ATXN1: variants seen among roughly 807,000 people sequenced by gnomAD.
The protein encoded by ATXN1 is ataxin 1.
Under a neutral mutation model 56.4 loss-of-function variants are expected in ATXN1, and 8 were observed. That is an observed-to-expected ratio of 0.14 (90% CI 0.08 to 0.26). The LOEUF (loss-of-function observed/expected upper bound fraction) is 0.26, where lower values mean the gene tolerates loss of function less well. ATXN1 is among the 10% of genes least tolerant of loss of function. ATXN1 has a pLI of 1.00. For synonymous variants in ATXN1, 514 were observed against 494.6 expected, an observed-to-expected ratio of 1.04 and a Z score of -0.52; for missense variants, 987 against 1,106.5, an observed-to-expected ratio of 0.89 and a Z score of 1.53.
At chr6:16,599,113 C>G (rs2113778426) in intron 3 of ATXN1, among the ~76,000 whole-genome samples, 1 of 152,342 alleles carries the variant, frequency 6.6e-6, no homozygotes, top group South Asian at 2.1e-4. Context: ...AAAAACTGAT[C>G]TGACACCCAA....
In ATXN1 at chr6:16,309,927, G is replaced by A. The variant is rs369686415; in HGVS notation, c.1918-3068C>T. 3.7e-4 allele frequency among the ~76,000 whole-genome samples: 56 copies of A among 152,076 alleles called. 1 individual carries two copies. Among genetic ancestry groups the A allele is most frequent in the East Asian group, 1.2e-3 (6 of 5,174 alleles). ...CAGGAACCTGTAATCCCAGCTACTC[G>A]GGGGGCTGAGGCAGGAGAATCACTT... On this transcript the variant is annotated intron_variant, in intron 7 of 7. Coordinates refer to ENST00000436367, the MANE Select transcript of ATXN1 (RefSeq NM_001128164.2).
intron 4 of ATXN1, among the ~76,000 whole-genome samples, chr6:16,557,326 CAAAA>C (rs10551173): frequency 1.7e-4 from 15 of 87,754 alleles, no homozygotes; most frequent in African/African-American, 3.6e-4. Flanking sequence ...AACCCCATTT[CAAAA>C]AAAAAAAAAA....
chr6:16,566,156 A>C (rs1762212692), intron 4 of ATXN1, among the ~76,000 whole-genome samples: 2 of 152,250 alleles, frequency 1.3e-5, no homozygotes, highest in Admixed American at 1.3e-4. Flanking sequence ...TGAAAAAAAT[A>C]GCCTAGAAAT....
chr6:16,402,156 G>A (rs536687792), intron 6 of ATXN1, among the ~76,000 whole-genome samples: 1 of 149,926 alleles, frequency 6.7e-6, no homozygotes, highest in Admixed American at 6.7e-5. Context: ...AGGTCAAGAT[G>A]AAATCTGGGC....
Position 16,464,597 on chromosome 6 carries a change from C to T in ATXN1, c.-161+21375G>A, listed in dbSNP as rs188199110. On this transcript the variant is annotated intron_variant, in intron 6 of 7. Transcript: ENST00000436367. Reference sequence around the variant, plus strand: ...TTCTTGAAGTCAGCGAGACCATAAACCCACCGGTAGGAACCAACTCCAGAC... The same window carrying T: ...TTCTTGAAGTCAGCGAGACCATAAATCCACCGGTAGGAACCAACTCCAGAC... 2.7e-4 allele frequency among the ~76,000 whole-genome samples: 41 copies of T among 152,234 alleles called. 1 individual carries two copies. The East Asian group carries it at 6.4e-3, about 24-fold the overall frequency.
chr6:16,613,241 C>T (rs1022370648), intron 3 of ATXN1, among the ~76,000 whole-genome samples: 31 of 128,486 alleles, frequency 2.4e-4, no homozygotes, highest in African/African-American at 8.7e-4. Flanking sequence ...GTCCGCAGTC[C>T]GGCCTGGGCG....
intron 4 of ATXN1, among the ~76,000 whole-genome samples, chr6:16,523,482 C>A (rs1321778312): frequency 6.6e-6 from 1 of 152,198 alleles, no homozygotes; most frequent in Admixed American, 6.5e-5. Context: ...GTAGCTGGGA[C>A]TACAGGCATG....
chr6:16,555,580 A>G (rs530124831), intron 4 of ATXN1, among the ~76,000 whole-genome samples: 1 of 152,316 alleles, frequency 6.6e-6, no homozygotes, highest in East Asian at 1.9e-4. Flanking sequence ...AAGTTTTGAC[A>G]TGAGACCGGC....
At chr6:16,330,824 A>G (rs888903937) in intron 6 of ATXN1, among the ~76,000 whole-genome samples, 3 of 152,232 alleles carry the variant, frequency 2.0e-5, no homozygotes, top group Non-Finnish European at 4.4e-5. Context: ...GTGCAGGTTT[A>G]GAAATTTGGT....
At chr6:16,741,861 A>G (rs1360727403) in intron 2 of ATXN1, among the ~76,000 whole-genome samples, 1 of 152,242 alleles carries the variant, frequency 6.6e-6, no homozygotes, top group African/African-American at 2.4e-5. Context: ...TCCTCCTTTT[A>G]TATCTGTTTA....
intron 6 of ATXN1, among the ~76,000 whole-genome samples, chr6:16,396,902 C>T (rs1157669363): frequency 6.6e-6 from 1 of 152,194 alleles, no homozygotes; most frequent in Non-Finnish European, 1.5e-5. Flanking sequence ...GTGCTGAGTG[C>T]TGTAGGCAAT....
chr6:16,661,363 G>A (rs1758316682), intron 2 of ATXN1, among the ~76,000 whole-genome samples: 2 of 152,068 alleles, frequency 1.3e-5, no homozygotes, highest in African/African-American at 2.4e-5. Context: ...GTAGGCCATT[G>A]TAAAGATACC....
chr6:16,639,961 C>G (rs763591668), intron 3 of ATXN1, among the ~76,000 whole-genome samples: 4 of 151,964 alleles, frequency 2.6e-5, no homozygotes, highest in African/African-American at 9.7e-5. Flanking sequence ...ATGGACAGAA[C>G]GTTATTTTTT....
chr6:16,674,792 G>A (rs1378249919), intron 2 of ATXN1, among the ~76,000 whole-genome samples: 1 of 152,162 alleles, frequency 6.6e-6, no homozygotes, highest in Non-Finnish European at 1.5e-5. Flanking sequence ...TGGCAAAACA[G>A]ATGGTTTGGA....
chr6:16,463,494 G>A (rs1163309885), intron 6 of ATXN1, among the ~76,000 whole-genome samples: 2 of 152,136 alleles, frequency 1.3e-5, no homozygotes, highest in East Asian at 3.9e-4. Context: ...CACTCTCAAA[G>A]GATTTCTCAA....
intron 3 of ATXN1, chr6:16,615,319 A>G (rs918219681): frequency 5.9e-5 from 9 of 151,322 alleles, no homozygotes; most frequent in African/African-American, 2.2e-4. Context: ...TCATCATCGC[A>G]TCTTGAAAGT....
At chr6:16,747,050 T>C (rs1760558480) in intron 2 of ATXN1, among the ~76,000 whole-genome samples, 1 of 152,066 alleles carries the variant, frequency 6.6e-6, no homozygotes, top group Non-Finnish European at 1.5e-5. Flanking sequence ...CACACCATAC[T>C]CACTCTGTAG....
At chr6:16,645,137 G>C (rs1763779305) in intron 3 of ATXN1, among the ~76,000 whole-genome samples, 1 of 152,160 alleles carries the variant, frequency 6.6e-6, no homozygotes, top group African/African-American at 2.4e-5. Flanking sequence ...GTGTCTTTTA[G>C]ATAATAAACG....
At chr6:16,409,996 T>C (rs1758765444) in intron 6 of ATXN1, among the ~76,000 whole-genome samples, 2 of 152,210 alleles carry the variant, frequency 1.3e-5, no homozygotes, top group Admixed American at 1.3e-4. Flanking sequence ...AGACTGGGCA[T>C]GTGTCCAGTG....
Sources: gnomAD v4.1 joint callset for allele counts (sites outside exome capture counted in the v4.1 genomes callset) on GRCh38, gnomAD v4.1.1 for gene constraint, MANE v1.5 for transcripts, NCBI Gene and HGNC (gene_info 2026-07-23, HGNC 2026-07-21) for gene names.